The following UBE4B variants were observed in gnomAD, a reference collection of about 807,000 sequenced individuals.
UBE4B encodes ubiquitination factor E4B.
UBE4B carries 27 observed loss-of-function variants against 148.1 expected under a neutral mutation model. The observed-to-expected ratio is 0.18, with a 90% confidence interval of 0.13 to 0.25. The LOEUF (loss-of-function observed/expected upper bound fraction) is 0.25, where lower values mean the gene tolerates loss of function less well. Ranked by LOEUF, UBE4B falls within the 10% of genes least tolerant of loss-of-function variation. UBE4B has a pLI of 1.00. For synonymous variants in UBE4B, 596 were observed against 619.3 expected (o/e 0.96, Z 0.56); for missense variants, 1,170 against 1,662.4 (o/e 0.70, Z 5.15).
In UBE4B at chr1:10,119,552, A is replaced by G. The variant is rs148471735; in HGVS notation, c.1378A>G (p.Ile460Val). 9.7e-5 allele frequency: 156 copies of G among 1,613,644 alleles called. No individual in the cohort carries two copies. In the African/African-American group the frequency reaches 9.9e-4, roughly 10 times the overall value. Residue 460 changes from isoleucine to valine, a missense_variant, in exon 9 of 28, where the codon ATC becomes GTC. By Grantham distance (29) the Ile-to-Val change is conservative. Coordinates refer to ENST00000343090, the MANE Select transcript of UBE4B (RefSeq NM_001105562.3). ...QPAVSQLLSNIRSQCISHTAL... is the reference protein window; with the variant it reads ...QPAVSQLLSNVRSQCISHTAL... The stretch of plus-strand genomic sequence containing the variant: ...AGCAGTCAGCCAGCTTCTGAGCAAC[A>G]TCCGCTCACAGTGCATATCCCATAC...
chr1:10,056,676 C>A (rs932779291), intron 1 of UBE4B, among the ~76,000 whole-genome samples: 4 of 152,158 alleles, frequency 2.6e-5, no homozygotes, highest in Non-Finnish European at 5.9e-5. Flanking sequence ...AGAGAGATAA[C>A]CCAGCTGGAA....
At chr1:10,145,441 CA>C (rs1031347381) in intron 18 of UBE4B, 7 of 151,662 alleles carry the variant, frequency 4.6e-5, no homozygotes, top group East Asian at 1.9e-4. Context: ...ACTAAAAATA[CA>C]AAAAAAAATT....
intron 11 of UBE4B, among the ~76,000 whole-genome samples, chr1:10,127,319 C>T (rs1226313334): frequency 2.0e-5 from 3 of 152,110 alleles, no homozygotes; most frequent in African/African-American, 7.2e-5. Context: ...CAGTGTAGCT[C>T]TCTTGTTCAC....
At chr1:10,050,027 A>G (rs1644001240) in intron 1 of UBE4B, among the ~76,000 whole-genome samples, 1 of 152,160 alleles carries the variant, frequency 6.6e-6, no homozygotes, top group South Asian at 2.1e-4. Context: ...ATTGGAGAAA[A>G]ACTGAAGATG....
At chr1:10,053,880 C>T (rs2101798747) in intron 1 of UBE4B, among the ~76,000 whole-genome samples, 1 of 151,992 alleles carries the variant, frequency 6.6e-6, no homozygotes, top group African/African-American at 2.4e-5. Flanking sequence ...GTAGACAAGG[C>T]CTCGCTATGT....
chr1:10,168,281 A>AC lies in UBE4B; in HGVS notation c.3333+14dup. On this transcript the variant is annotated intron_variant, in intron 24 of 27. Coordinates refer to ENST00000343090, the MANE Select transcript of UBE4B (RefSeq NM_001105562.3). This position sits in a 1 kb window ranked among gnomAD's most constrained non-coding sequence, Gnocchi z 4.9. ...CCCTTCCTCAGACCGGTGAGTAGAA[A>AC]CCCGGGGCTCTGTTTGGTGGTTTGG... 6.2e-7 allele frequency: 1 copy of AC among 1,613,498 alleles called. No homozygotes were observed. Among genetic ancestry groups the AC allele is most frequent in the Non-Finnish European group, 8.5e-7 (1 of 1,179,756 alleles).
chr1:10,177,598 G>A (rs1646446765), intron 25 of UBE4B, among the ~76,000 whole-genome samples: 1 of 152,146 alleles, frequency 6.6e-6, no homozygotes, highest in Non-Finnish European at 1.5e-5. Flanking sequence ...TGAGGCTGCA[G>A]TGAGCCATGA....
intron 7 of UBE4B, among the ~76,000 whole-genome samples, chr1:10,114,725 A>G (rs971870729): frequency 1.3e-5 from 2 of 152,060 alleles, no homozygotes; most frequent in Admixed American, 6.6e-5. Context: ...TTAGCTGTAC[A>G]TGGTGGCGAG....
intron 2 of UBE4B, among the ~76,000 whole-genome samples, chr1:10,082,374 A>C (rs1338762808): frequency 6.6e-6 from 1 of 151,962 alleles, no homozygotes; most frequent in Non-Finnish European, 1.5e-5. Context: ...GGTAGTGCGC[A>C]CCTGTAGGCC....
Position 10,066,054 on chromosome 1 carries a change from C to G in UBE4B, c.25-5974C>G, listed in dbSNP as rs574106723. Among the ~76,000 whole-genome samples the G allele has an allele frequency of 4.2e-5, 6 of 142,772 alleles. No individual in the cohort carries two copies. The East Asian group carries it at 1.3e-3, about 30-fold the overall frequency. 93.7% of individuals were successfully genotyped at this position (142,772 alleles called of 152,430 possible). A position where few individuals can be genotyped will look rare whatever the true frequency, so the allele number is the denominator to read the frequency against. On this transcript the variant is annotated intron_variant, in intron 1 of 27. Coordinates refer to ENST00000343090, the MANE Select transcript of UBE4B (RefSeq NM_001105562.3). ...CTCCCTCCCCCCCTCCTTCCCTCCC[C>G]CACTCCTTCCCTCTCTCCCTCTCTA...
intron 2 of UBE4B, among the ~76,000 whole-genome samples, chr1:10,084,397 C>T (rs1282425296): frequency 1.3e-5 from 2 of 152,058 alleles, no homozygotes; most frequent in Non-Finnish European, 2.9e-5. Flanking sequence ...TCATGTAATT[C>T]ACTATCTTGA....
At chr1:10,175,761 A>C (rs1318045013) in intron 25 of UBE4B, among the ~76,000 whole-genome samples, 1 of 152,180 alleles carries the variant, frequency 6.6e-6, no homozygotes, top group African/African-American at 2.4e-5. Flanking sequence ...TCCCTCCTCT[A>C]ACCTACCAGA....
chr1:10,107,157 A>G, intron 7 of UBE4B: 1 of 1,283,936 alleles, frequency 7.8e-7, no homozygotes, highest in South Asian at 1.2e-5. Context: ...AGCAGTTGCA[A>G]AAGCTTCTCC....
intron 1 of UBE4B, among the ~76,000 whole-genome samples, chr1:10,070,030 T>C (rs891976465): frequency 6.6e-6 from 1 of 152,006 alleles, no homozygotes; most frequent in Non-Finnish European, 1.5e-5. Flanking sequence ...ATCCCAGCAC[T>C]TTGGGGGGCC....
intron 23 of UBE4B, 129 bp from the exon 24 acceptor site, chr1:10,167,998 CTGGGACATG>C: frequency 9.3e-7 from 1 of 1,072,238 alleles, no homozygotes; most frequent in Non-Finnish European, 1.3e-6. Context: ...CTTCAGTTAT[CTGGGACATG>C]TGGCAGGCGG....
At chr1:10,151,698 G>GCCT in intron 21 of UBE4B, 137 bp downstream of exon 21, 1 of 726,652 alleles carries the variant, frequency 1.4e-6, no homozygotes, top group Non-Finnish European at 2.3e-6. Context: ...CCTGTGGCCT[G>GCCT]CAGAGGATGT....
Position 10,033,380 on chromosome 1 carries a change from A to C in UBE4B, c.-291A>C. On this transcript the variant is annotated 5_prime_UTR_variant, in exon 1 of 28. Coordinates refer to ENST00000343090, the MANE Select transcript of UBE4B (RefSeq NM_001105562.3). Reference sequence around the variant, plus strand: ...CTGGGTAACCTGGGAAGCAGAGGGTAATAAGTGGCGCCTTAAGACAACCCT... The same window carrying C: ...CTGGGTAACCTGGGAAGCAGAGGGTCATAAGTGGCGCCTTAAGACAACCCT... The C allele has an allele frequency of 6.4e-6, 2 of 312,096 alleles. No homozygotes were observed. The highest frequency in any genetic ancestry group is 5.0e-5 in the East Asian group (1 of 20,016). The allele number at this position is 312,096 out of a possible 1,614,324, so 19.3% of individuals were successfully genotyped here. A position where few individuals can be genotyped will look rare whatever the true frequency, so the allele number is the denominator to read the frequency against.
intron 16 of UBE4B, among the ~76,000 whole-genome samples, chr1:10,136,623 T>C (rs1645689743): frequency 6.6e-6 from 1 of 152,000 alleles, no homozygotes; most frequent in Admixed American, 6.6e-5. Flanking sequence ...ATTGCAAAAG[T>C]ATCCTTAAAC....
intron 21 of UBE4B, among the ~76,000 whole-genome samples, chr1:10,152,199 C>A (rs907444727): frequency 1.3e-5 from 2 of 151,298 alleles, no homozygotes; most frequent in African/African-American, 4.9e-5. Flanking sequence ...GCAGAAGTTG[C>A]AGTGAGCCGA....
Sources: gnomAD v4.1 joint callset for allele counts (sites outside exome capture counted in the v4.1 genomes callset) on GRCh38, gnomAD v4.1.1 for gene constraint, Gnocchi (gnomAD v3.1) non-coding constraint, MANE v1.5 for transcripts, NCBI Gene and HGNC (gene_info 2026-07-23, HGNC 2026-07-21) for gene names.